The following R3HDM4 variants were observed in gnomAD, a reference collection of about 807,000 sequenced individuals.
The protein encoded by R3HDM4 is R3H domain containing 4.
R3HDM4 carries 30 observed loss-of-function variants against 31.3 expected under a neutral mutation model. That is an observed-to-expected ratio of 0.96 (90% CI 0.72 to 1.30). The LOEUF (loss-of-function observed/expected upper bound fraction) is 1.30. R3HDM4 is among the 50% of genes most tolerant of loss of function. The pLI is 0.00. For synonymous variants in R3HDM4, 196 were observed against 156.6 expected (o/e 1.25, Z -1.88); for missense variants, 444 against 366.1 (o/e 1.21, Z -1.74).
intron 1 of R3HDM4, among the ~76,000 whole-genome samples, chr19:905,496 ACT>A (rs1348898080): frequency 7.7e-6 from 1 of 130,246 alleles, no homozygotes; most frequent in Non-Finnish European, 1.6e-5. Context: ...CAAGAGTGAA[ACT>A]CTGTCTCAAA....
chr19:900,954 TG>T lies in R3HDM4; in HGVS notation c.352-3del. ...GCGGTTCATGAAATCGTTCCAGACCTGGAAGAGAGGCAGGGAGGCAGGCTTG... is the reference window on the plus strand; with the variant it reads ...GCGGTTCATGAAATCGTTCCAGACCTGAAGAGAGGCAGGGAGGCAGGCTTG... On this transcript the variant is annotated splice_region_variant and splice_polypyrimidine_tract_variant and intron_variant, in intron 3 of 7. Coordinates refer to ENST00000361574, the MANE Select transcript of R3HDM4 (RefSeq NM_138774.4). 1 of 1,580,890 alleles carries T rather than the reference TG, an allele frequency of 6.3e-7. No homozygotes were observed. Among genetic ancestry groups the T allele is most frequent in the African/African-American group, 1.4e-5 (1 of 73,414 alleles).
At position 899,671 on chromosome 19, in the gene R3HDM4, A is replaced by G; in HGVS notation, c.577T>C (p.Trp193Arg). ...AAGAACCGAAGCAGCCGCTCCTCCC[A>G]GGTCTCCAGCGTTTCCTGGGGAGAG... Reference protein sequence around the residue: ...SRIPMETLETWEERLLRFFSV... With the variant: ...SRIPMETLETREERLLRFFSV... The change falls in exon 6 of 8, where the codon TGG becomes CGG. Residue 193 changes from tryptophan to arginine, a missense_variant. Physicochemically the swap from Trp to Arg is moderately radical, Grantham distance 101. Transcript: ENST00000361574. This position sits in a 1 kb window ranked among gnomAD's most constrained non-coding sequence, Gnocchi z 6.8. 6.3e-7 allele frequency: 1 copy of G among 1,596,678 alleles called. No individual in the cohort carries two copies. Among genetic ancestry groups the G allele is most frequent in the South Asian group, 1.1e-5 (1 of 90,270 alleles).
In R3HDM4 at chr19:902,099, T is replaced by C; in HGVS notation, c.103A>G (p.Ser35Gly). The C allele has an allele frequency of 6.2e-7, 1 of 1,613,550 alleles. No individual in the cohort carries two copies. Among genetic ancestry groups the C allele is most frequent in the Non-Finnish European group, 8.5e-7 (1 of 1,179,922 alleles). Residue 35 changes from serine (S) to glycine (G), a missense_variant, in exon 2 of 8, where the codon AGC becomes GGC. Coordinates refer to ENST00000361574, the MANE Select transcript of R3HDM4 (RefSeq NM_138774.4). ...PLPSCLPALA[S>G]SQVKRLSASR... ...GCCGAGAGTCTCTTCACCTGGGAGC[T>C]GGCTAGGGCAGGCAGGCAGCTGGGA...
In R3HDM4 at chr19:899,472, G is replaced by A. The variant is rs2036793503; in HGVS notation, c.671C>T (p.Ala224Val). Residue 224 changes from alanine (A) to valine (V), a missense_variant, in exon 7 of 8, where the codon GCT becomes GTT. Transcript: ENST00000361574. This position sits in a 1 kb window ranked among gnomAD's most constrained non-coding sequence, Gnocchi z 6.8. ...GATGAGGTCCATGTACTGGCAGACAGCGTGCAGCAGAAGCCTCTCGAAGCT... is the reference window on the plus strand; with the variant it reads ...GATGAGGTCCATGTACTGGCAGACAACGTGCAGCAGAAGCCTCTCGAAGCT... ...DNSFERLLLH[A>V]VCQYMDLISA... 2 of 1,613,572 alleles carry A rather than the reference G, an allele frequency of 1.2e-6. No homozygotes were observed. The highest frequency in any genetic ancestry group is 8.5e-7 in the Non-Finnish European group (1 of 1,179,964).
intron 1 of R3HDM4, among the ~76,000 whole-genome samples, chr19:903,238 CAA>C (rs1201560746): frequency 6.8e-6 from 1 of 147,164 alleles, no homozygotes; most frequent in African/African-American, 2.6e-5. Flanking sequence ...GCCCCCCCCG[CAA>C]ACCCCCCCCT....
Position 913,073 on chromosome 19 carries a change from C to T in R3HDM4, c.71+14G>A. On this transcript the variant is annotated intron_variant, in intron 1 of 7. Coordinates refer to ENST00000361574, the MANE Select transcript of R3HDM4 (RefSeq NM_138774.4). This position sits in a 1 kb window ranked among gnomAD's most constrained non-coding sequence, Gnocchi z 5.0. Reference sequence around the variant, plus strand: ...GCCCCCGGCGCCCGCCGCGCCCCGCCCGCCCGCGCTCACAGCAGCCGCCGC... The same window carrying T: ...GCCCCCGGCGCCCGCCGCGCCCCGCTCGCCCGCGCTCACAGCAGCCGCCGC... 1.9e-6 allele frequency: 2 copies of T among 1,043,618 alleles called. No individual in the cohort carries two copies. The highest frequency in any genetic ancestry group is 8.2e-5 in the East Asian group (1 of 12,176). The allele number at this position is 1,043,618 out of a possible 1,614,324, so 64.6% of individuals were successfully genotyped here. A position where few individuals can be genotyped will look rare whatever the true frequency, so the allele number is the denominator to read the frequency against.
chr19:901,992 G>A lies in R3HDM4; in HGVS notation c.210C>T (p.Leu70=). The A allele has an allele frequency of 1.9e-6, 3 of 1,613,766 alleles. No individual in the cohort carries two copies. The highest frequency in any genetic ancestry group is 2.5e-6 in the Non-Finnish European group (3 of 1,180,004). Residue 70 remains leucine, a synonymous_variant, in exon 2 of 8, where the codon CTC becomes CTT. Transcript: ENST00000361574. The stretch of plus-strand genomic sequence containing the variant: ...CCTGCTCACTGTTCTCCAGGCGCTG[G>A]AGGCTCTTCCGCCCCTTGGCCTTGG... ...LVPKAKGRKS[L]QRLENTQYLL...
rs150267626 is a variant in R3HDM4 at position 901,856 on chromosome 19, C to T, written c.226+120G>A. On this transcript the variant is annotated intron_variant, in intron 2 of 7. Coordinates refer to ENST00000361574, the MANE Select transcript of R3HDM4 (RefSeq NM_138774.4). ...GTCCCCCGGCCTACAGCTGACACCT[C>T]TTTGGGTCCCCAGCCCCACCCAGGC... 4,876 of 1,298,214 alleles carry T rather than the reference C, an allele frequency of 3.8e-3. 115 individuals carry two copies. The East Asian group carries it at 0.069, about 18-fold the overall frequency. The allele number at this position is 1,298,214 out of a possible 1,614,324, so 80.4% of individuals were successfully genotyped here.
At chr19:905,751 G>A (rs977911802) in intron 1 of R3HDM4, among the ~76,000 whole-genome samples, 1 of 151,708 alleles carries the variant, frequency 6.6e-6, no homozygotes, top group African/African-American at 2.4e-5. Flanking sequence ...GAAGGGGACG[G>A]GCAGATAAAC....
Position 899,349 on chromosome 19 carries a change from C to A in R3HDM4, c.703+91G>T. ...CCCCCTTCCCCACCTCCCCACCAAG[C>A]CCCACTCTGAGGAACCAGGCCCCTG... On this transcript the variant is annotated intron_variant, in intron 7 of 7. Coordinates refer to ENST00000361574, the MANE Select transcript of R3HDM4 (RefSeq NM_138774.4). The surrounding 1 kb of genome is among the most constrained non-coding windows in gnomAD (Gnocchi z 6.8). 9 of 1,360,380 alleles carry A rather than the reference C, an allele frequency of 6.6e-6. No homozygotes were observed. In the South Asian group the frequency reaches 1.1e-4, roughly 16 times the overall value. The allele number at this position is 1,360,380 out of a possible 1,614,324, so 84.3% of individuals were successfully genotyped here.
At chr19:906,979 T>G (rs2036913390) in intron 1 of R3HDM4, among the ~76,000 whole-genome samples, 1 of 151,304 alleles carries the variant, frequency 6.6e-6, no homozygotes, top group African/African-American at 2.4e-5. Flanking sequence ...CCACGCCTGG[T>G]TAATTTTTGT....
chr19:908,395 C>G (rs1220641120), intron 1 of R3HDM4, among the ~76,000 whole-genome samples: 1 of 151,472 alleles, frequency 6.6e-6, no homozygotes, highest in Admixed American at 6.6e-5. Flanking sequence ...TCACTTGAGG[C>G]CAAGAGTTCG....
At position 900,156 on chromosome 19, in the gene R3HDM4, T is replaced by C; in HGVS notation, c.476-10A>G. ...GTATAGGCGGGGTCCTCTGCAGGAG[T>C]GGGGGAACAAGGGGCAGTCTTGGGG... is the stretch of plus-strand genomic sequence containing the variant. On this transcript the variant is annotated splice_polypyrimidine_tract_variant and intron_variant, in intron 4 of 7. Coordinates refer to ENST00000361574, the MANE Select transcript of R3HDM4 (RefSeq NM_138774.4). 6.4e-7 allele frequency: 1 copy of C among 1,551,462 alleles called. No individual in the cohort carries two copies. The highest frequency in any genetic ancestry group is 8.7e-7 in the Non-Finnish European group (1 of 1,149,850).
intron 1 of R3HDM4, among the ~76,000 whole-genome samples, chr19:910,214 A>G (rs2036955105): frequency 1.3e-5 from 2 of 151,844 alleles, no homozygotes; most frequent in African/African-American, 4.8e-5. Flanking sequence ...AATCCCAGCT[A>G]CTCAGGAGGC....
rs781175964 is a variant in R3HDM4 at position 900,111 on chromosome 19, G to T, written c.511C>A (p.Arg171Ser). Residue 171 changes from arginine to serine, a missense_variant, in exon 5 of 8, where the codon CGC (arginine) becomes AGC (serine). By Grantham distance (110) the Arg-to-Ser change is moderately radical (BLOSUM62 -1). Transcript: ENST00000361574. The part of the protein sequence containing the change: ...PAYTPRECFQ[R>S]ISRRLRAVLK... ...ACGGCTCGCAGACGCCGGCTGATGC[G>T]CTGGAAGCACTCGCGGGGTGTATAG... 1 of 1,606,126 alleles carries T rather than the reference G, an allele frequency of 6.2e-7. No individual in the cohort carries two copies. Among genetic ancestry groups the T allele is most frequent in the African/African-American group, 1.3e-5 (1 of 74,640 alleles).
At chr19:897,634 A>G in intron 7 of R3HDM4, 94 bp from the exon 8 acceptor site, 1 of 1,003,598 alleles carries the variant, frequency 1.0e-6, no homozygotes, top group Non-Finnish European at 1.5e-6. Context: ...GCTTCTTCCC[A>G]GGGAGGTCAC....
At position 897,404 on chromosome 19, in the gene R3HDM4, C is replaced by T. The variant is rs370051275; in HGVS notation, c.*33G>A. 8.1e-6 allele frequency: 12 copies of T among 1,478,668 alleles called. No homozygotes were observed. The highest frequency in any genetic ancestry group is 2.1e-5 in the Admixed American group (1 of 47,470). 91.6% of individuals were successfully genotyped at this position (1,478,668 alleles called of 1,614,324 possible). A position where few individuals can be genotyped will look rare whatever the true frequency, so the allele number is the denominator to read the frequency against. On this transcript the variant is annotated 3_prime_UTR_variant, in exon 8 of 8. Transcript: ENST00000361574. The stretch of plus-strand genomic sequence containing the variant: ...GGTATCGGAGGGCTTGATGGCTGGG[C>T]GAGGTGGCAGCGGGGTCTCCGCGGG...
In R3HDM4 at chr19:910,058, G is replaced by A. The variant is rs182082533; in HGVS notation, c.71+3029C>T. 2.2e-4 allele frequency among the ~76,000 whole-genome samples: 33 copies of A among 152,256 alleles called. No individual in the cohort carries two copies. In the East Asian group the frequency reaches 6.4e-3, roughly 29 times the overall value. On this transcript the variant is annotated intron_variant, in intron 1 of 7. Coordinates refer to ENST00000361574, the MANE Select transcript of R3HDM4 (RefSeq NM_138774.4). ...AAAATTAGCCAGGCCGGGCGCAGTG[G>A]CTCATGCCTGTAATCCCAGCACTTT...
rs555155829 is a variant in R3HDM4, at chr19:907,892, C to T, written c.71+5195G>A. 6.6e-6 allele frequency among the ~76,000 whole-genome samples: 1 copy of T among 152,342 alleles called. No individual in the cohort carries two copies. Among genetic ancestry groups the T allele is most frequent in the East Asian group, 1.9e-4 (1 of 5,186 alleles). ...CCCACCATCAGATGGAGCTGGCTGA[C>T]TTCAACCAGTTTCCAGCAGGAAATT... On this transcript the variant is annotated intron_variant, in intron 1 of 7. Transcript: ENST00000361574. This position sits in a 1 kb window ranked among gnomAD's most constrained non-coding sequence, Gnocchi z 4.1.
Sources: allele counts gnomAD v4.1 joint callset (sites outside exome capture counted in the v4.1 genomes callset), GRCh38; gene constraint gnomAD v4.1.1; non-coding constraint Gnocchi (gnomAD v3.1); transcripts MANE v1.5; gene names NCBI Gene and HGNC (gene_info 2026-07-23, HGNC 2026-07-21).